TBC1D9B: variants seen among roughly 807,000 people sequenced by gnomAD.
TBC1D9B encodes TBC1 domain family member 9B.
TBC1D9B carries 87 observed loss-of-function variants against 121.1 expected under a neutral mutation model. That is an observed-to-expected ratio of 0.72 (90% CI 0.60 to 0.86). The LOEUF (loss-of-function observed/expected upper bound fraction) is 0.86. Among genes scored for constraint, TBC1D9B ranks in the 40% least tolerant of loss-of-function variants. TBC1D9B has a pLI of 0.00. For synonymous variants in TBC1D9B, 668 were observed against 670.1 expected, an observed-to-expected ratio of 1.00 and a Z score of 0.05; for missense variants, 1,540 against 1,628.6, an observed-to-expected ratio of 0.95 and a Z score of 0.94.
Position 179,863,847 on chromosome 5 carries a change from T to C in TBC1D9B, c.3303A>G (p.Gly1101=), listed in dbSNP as rs191589846. ...QAKAGGDTHL[G]KAPQESQVVV... ...CCACCTGGCTCTCCTGTGGGGCTTT[T>C]CCGAGGTGTGTGTCTCCGCCTGCTT... The change falls in exon 21 of 21, where the codon GGA becomes GGG. Residue 1101 remains glycine, a synonymous_variant. Transcript: ENST00000355235. This position sits in a 1 kb window ranked among gnomAD's most constrained non-coding sequence, Gnocchi z 4.5. The C allele has an allele frequency of 1.8e-5, 29 of 1,613,426 alleles. No individual in the cohort carries two copies. The East Asian group carries it at 6.5e-4, about 36-fold the overall frequency.
chr5:179,878,735 G>T (rs1760438358), intron 9 of TBC1D9B, among the ~76,000 whole-genome samples: 1 of 152,204 alleles, frequency 6.6e-6, no homozygotes, highest in Non-Finnish European at 1.5e-5. Flanking sequence ...GCAACCACGG[G>T]TGTGAATGCT....
At position 179,904,605 on chromosome 5, in the gene TBC1D9B, TACC is replaced by T. The variant is rs1761259780; in HGVS notation, c.229+94_229+96del. The T allele has an allele frequency of 9.5e-7, 1 of 1,053,150 alleles. No homozygotes were observed. The highest frequency in any genetic ancestry group is 1.4e-6 in the Non-Finnish European group (1 of 709,028). The allele number at this position is 1,053,150 out of a possible 1,614,324, so 65.2% of individuals were successfully genotyped here. A position where few individuals can be genotyped will look rare whatever the true frequency, so the allele number is the denominator to read the frequency against. ...CTTGGGCTATGCTGTCAGCAGGGAA[TACC>T]ACCCAGACACGTGGGCTACACACCC... On this transcript the variant is annotated intron_variant, in intron 2 of 20. Transcript: ENST00000355235. This position sits in a 1 kb window ranked among gnomAD's most constrained non-coding sequence, Gnocchi z 4.2.
intron 9 of TBC1D9B, among the ~76,000 whole-genome samples, 165 bp downstream of exon 9, chr5:179,878,882 C>G (rs567714538): frequency 6.9e-6 from 1 of 145,526 alleles, no homozygotes; most frequent in Admixed American, 6.6e-5. Context: ...TGGTTGGGTC[C>G]CGGGCCAGAG....
At position 179,904,840 on chromosome 5, in the gene TBC1D9B, G is replaced by A. The variant is rs1761270791; in HGVS notation, c.119-28C>T. 2.0e-6 allele frequency: 3 copies of A among 1,520,860 alleles called. No homozygotes were observed. The highest frequency in any genetic ancestry group is 2.7e-6 in the Non-Finnish European group (3 of 1,125,078). The allele number at this position is 1,520,860 out of a possible 1,614,324, so 94.2% of individuals were successfully genotyped here. A position where few individuals can be genotyped will look rare whatever the true frequency, so the allele number is the denominator to read the frequency against. On this transcript the variant is annotated intron_variant, in intron 1 of 20. Transcript: ENST00000355235. This position sits in a 1 kb window ranked among gnomAD's most constrained non-coding sequence, Gnocchi z 4.2. ...GGGAACAGGGCAGAGAGACATAGAG[G>A]GTGAGGGGAGGGCCGGACTGAGGCC...
At chr5:179,897,102 T>C (rs1308072950) in intron 3 of TBC1D9B, among the ~76,000 whole-genome samples, 1 of 151,498 alleles carries the variant, frequency 6.6e-6, no homozygotes, top group South Asian at 2.1e-4. Flanking sequence ...AGAGATGGGG[T>C]TTCACTGTGT....
intron 5 of TBC1D9B, among the ~76,000 whole-genome samples, chr5:179,892,958 C>T (rs1265656706): frequency 1.3e-5 from 2 of 152,196 alleles, no homozygotes; most frequent in South Asian, 2.1e-4. Context: ...CATCATAGGG[C>T]CAAGAGGAAT....
At position 179,873,193 on chromosome 5, in the gene TBC1D9B, G is replaced by A. The variant is rs747893935; in HGVS notation, c.2242C>T (p.Arg748Cys). 13 of 1,613,210 alleles carry A rather than the reference G, an allele frequency of 8.1e-6. No homozygotes were observed. Among genetic ancestry groups the A allele is most frequent in the Middle Eastern group, 1.6e-4 (1 of 6,080 alleles). ...QSVSPPIPHL[R>C]ALLSSSDDPP... The stretch of plus-strand genomic sequence containing the variant: ...TCATCGCTGCTGCTCAGCAAGGCAC[G>A]GAGGTGCGGGATAGGAGGAGAGACA... The change falls in exon 13 of 21, where the codon CGT (arginine) becomes TGT (cysteine). Residue 748 changes from arginine to cysteine, a missense_variant. Arg to Cys is a radical substitution (Grantham distance 180). Coordinates refer to ENST00000355235, the MANE Select transcript of TBC1D9B (RefSeq NM_015043.4).
rs377045537 is a variant in TBC1D9B at position 179,883,696 on chromosome 5, GAC to G, written c.1255-3909_1255-3908del. ...CTTTGAGATCACTCAGAAACATCAG[GAC>G]ACAGTTTTCATCTGCCTGGAGGAAT... On this transcript the variant is annotated intron_variant, in intron 7 of 20. Transcript: ENST00000355235. Among the ~76,000 whole-genome samples the G allele has an allele frequency of 6.3e-4, 96 of 152,204 alleles. 1 individual carries two copies. The East Asian group carries it at 9.4e-3, about 15-fold the overall frequency.
chr5:179,864,933 T>C (rs1048058470), intron 20 of TBC1D9B, among the ~76,000 whole-genome samples: 1 of 152,108 alleles, frequency 6.6e-6, no homozygotes, highest in African/African-American at 2.4e-5. Flanking sequence ...TGAGCCTGCG[T>C]GTGCAGAGCC....
intron 5 of TBC1D9B, among the ~76,000 whole-genome samples, chr5:179,892,492 T>C (rs2113637881): frequency 6.6e-6 from 1 of 152,348 alleles, no homozygotes; most frequent in East Asian, 1.9e-4. Context: ...AGAGATCTTG[T>C]CCAGCCTCTG....
chr5:179,869,241 C>A, intron 17 of TBC1D9B: 2 of 252,930 alleles, frequency 7.9e-6, no homozygotes, highest in Non-Finnish European at 1.6e-5. Context: ...AGGGAGATGA[C>A]CCCTCCTTGG....
chr5:179,882,881 A>C (rs1393616934), intron 7 of TBC1D9B, among the ~76,000 whole-genome samples: 1 of 152,198 alleles, frequency 6.6e-6, no homozygotes, highest in Non-Finnish European at 1.5e-5. Flanking sequence ...TGTATCACAA[A>C]GTCTGATACC....
Position 179,875,223 on chromosome 5 carries a change from A to AC in TBC1D9B, c.1901-37dup. ...GATGAGCGAGGCTGATGGTGAGCCCACCCTGTGGCCTGGGTGGGCCCTCAC... is the reference window on the plus strand; with the variant it reads ...GATGAGCGAGGCTGATGGTGAGCCCACCCCTGTGGCCTGGGTGGGCCCTCAC... On this transcript the variant is annotated intron_variant, in intron 11 of 20. Coordinates refer to ENST00000355235, the MANE Select transcript of TBC1D9B (RefSeq NM_015043.4). This position sits in a 1 kb window ranked among gnomAD's most constrained non-coding sequence, Gnocchi z 4.5. 1 of 1,599,716 alleles carries AC rather than the reference A, an allele frequency of 6.3e-7. No homozygotes were observed. Among genetic ancestry groups the AC allele is most frequent in the Non-Finnish European group, 8.5e-7 (1 of 1,174,926 alleles).
At position 179,875,132 on chromosome 5, in the gene TBC1D9B, C is replaced by T. The variant is rs754534843; in HGVS notation, c.1956G>A (p.Gln652=). The T allele has an allele frequency of 3.1e-6, 5 of 1,613,952 alleles. No homozygotes were observed. The highest frequency in any genetic ancestry group is 2.2e-5 in the East Asian group (1 of 44,888). The change falls in exon 12 of 21, where the codon CAG becomes CAA. Residue 652 remains glutamine, a synonymous_variant. Transcript: ENST00000355235. This position sits in a 1 kb window ranked among gnomAD's most constrained non-coding sequence, Gnocchi z 4.5. Reference sequence around the variant, plus strand: ...CCAGGTCCTGCATCTTCTCCGAGAGCTGCGGCAGGAAGTCTCTCGTGAGCT... The same window carrying T: ...CCAGGTCCTGCATCTTCTCCGAGAGTTGCGGCAGGAAGTCTCTCGTGAGCT... ...FEELTRDFLP[Q]LSEKMQDLGV...
chr5:179,878,363 G>A lies in TBC1D9B; in HGVS notation c.1728C>T (p.Leu576=), dbSNP rs1760423229. The A allele has an allele frequency of 6.2e-7, 1 of 1,614,014 alleles. No homozygotes were observed. Among genetic ancestry groups the A allele is most frequent in the South Asian group, 1.1e-5 (1 of 91,028 alleles). Reference sequence around the variant, plus strand: ...AGGCATAGGCAGTCAGCACCCGCCGGAGGGCAGCAATCCCCAGCTCGTTCT... The same window carrying A: ...AGGCATAGGCAGTCAGCACCCGCCGAAGGGCAGCAATCCCCAGCTCGTTCT... The part of the protein sequence containing the change: ...AFQNELGIAA[L]RRVLTAYAFR... The change falls in exon 10 of 21, where the codon CTC becomes CTT. Residue 576 remains leucine (L), a synonymous_variant. Coordinates refer to ENST00000355235, the MANE Select transcript of TBC1D9B (RefSeq NM_015043.4).
chr5:179,865,448 G>C lies in TBC1D9B; in HGVS notation c.2915-88C>G, dbSNP rs1759981198. 1.6e-6 allele frequency: 2 copies of C among 1,283,346 alleles called. No homozygotes were observed. Among genetic ancestry groups the C allele is most frequent in the Non-Finnish European group, 2.3e-6 (2 of 883,892 alleles). The allele number at this position is 1,283,346 out of a possible 1,614,324, so 79.5% of individuals were successfully genotyped here. Reference sequence around the variant, plus strand: ...GGAGAGGAAGAGTTGGGTGTTTTCTGGCATGGAGTTACCAGGGCCCTATCA... The same window carrying C: ...GGAGAGGAAGAGTTGGGTGTTTTCTCGCATGGAGTTACCAGGGCCCTATCA... On this transcript the variant is annotated intron_variant, in intron 19 of 20. Transcript: ENST00000355235. This position sits in a 1 kb window ranked among gnomAD's most constrained non-coding sequence, Gnocchi z 5.1.
intron 7 of TBC1D9B, among the ~76,000 whole-genome samples, chr5:179,887,494 C>CA (rs1760722921): frequency 6.6e-6 from 1 of 152,134 alleles, no homozygotes; most frequent in Non-Finnish European, 1.5e-5. Context: ...CCGATTCCTT[C>CA]AAAAAAATAT....
At position 179,891,277 on chromosome 5, in the gene TBC1D9B, T is replaced by C. The variant is rs556386551; in HGVS notation, c.1044+102A>G. 19 of 1,361,110 alleles carry C rather than the reference T, an allele frequency of 1.4e-5. No individual in the cohort carries two copies. The African/African-American group carries it at 2.1e-4, about 15-fold the overall frequency. The allele number at this position is 1,361,110 out of a possible 1,614,324, so 84.3% of individuals were successfully genotyped here. Reference sequence around the variant, plus strand: ...GCCTGGGCTAGGGCATCCTCCCAGGTACCCCCCAGTGAGACAGGGCAGAGC... The same window carrying C: ...GCCTGGGCTAGGGCATCCTCCCAGGCACCCCCCAGTGAGACAGGGCAGAGC... On this transcript the variant is annotated intron_variant, in intron 6 of 20. Transcript: ENST00000355235. The surrounding 1 kb of genome is among the most constrained non-coding windows in gnomAD (Gnocchi z 4.3).
intron 17 of TBC1D9B, chr5:179,869,452 G>T: frequency 1.9e-6 from 1 of 535,440 alleles, no homozygotes; most frequent in Non-Finnish European, 3.5e-6. Context: ...AGCAGTTTCG[G>T]TTCCAGCCCT....
Sources: gnomAD v4.1 joint callset for allele counts (sites outside exome capture counted in the v4.1 genomes callset) on GRCh38, gnomAD v4.1.1 for gene constraint, Gnocchi (gnomAD v3.1) non-coding constraint, MANE v1.5 for transcripts, NCBI Gene and HGNC (gene_info 2026-07-23, HGNC 2026-07-21) for gene names.